The following C1orf87 variants were observed in gnomAD, a reference collection of about 807,000 sequenced individuals.
C1orf87 encodes uncharacterized protein C1orf87.
A neutral mutation model predicts 60.5 loss-of-function variants in C1orf87; 58 were observed. The observed-to-expected ratio is 0.96, with a 90% CI of 0.78 to 1.19. C1orf87 has a LOEUF of 1.19. Ranked by LOEUF, C1orf87 falls within the 50% of genes most tolerant of loss-of-function variation. C1orf87 has a pLI of 0.00. For missense variants in C1orf87, 673 were observed against 638.6 expected, an observed-to-expected ratio of 1.05 and a Z score of -0.58; for synonymous variants, 236 against 227.4, an observed-to-expected ratio of 1.04 and a Z score of -0.34.
At chr1:60,014,908 G>T (rs1386094086) in intron 8 of C1orf87, among the ~76,000 whole-genome samples, 1 of 152,182 alleles carries the variant, frequency 6.6e-6, no homozygotes, top group African/African-American at 2.4e-5. Flanking sequence ...TATTGATAAA[G>T]AGTTAGCTCT....
chr1:60,051,634 TGTG>T (rs1317245746), intron 3 of C1orf87, among the ~76,000 whole-genome samples: 1 of 152,130 alleles, frequency 6.6e-6, no homozygotes. Context: ...ACCACTGAGT[TGTG>T]GGGTGATTTG....
At chr1:60,063,819 C>A (rs1220541244) in intron 2 of C1orf87, among the ~76,000 whole-genome samples, 1 of 152,108 alleles carries the variant, frequency 6.6e-6, no homozygotes, top group African/African-American at 2.4e-5. Flanking sequence ...GAGCACTGTG[C>A]TCCTGGTGAG....
chr1:60,036,951 C>A (rs750115709), intron 6 of C1orf87, among the ~76,000 whole-genome samples: 1 of 152,152 alleles, frequency 6.6e-6, no homozygotes, highest in Non-Finnish European at 1.5e-5. Context: ...GCTCTGCACC[C>A]GTACACAATC....
At chr1:60,008,626 TGA>T in intron 9 of C1orf87, 1 of 445,384 alleles carries the variant, frequency 2.2e-6, no homozygotes, top group Non-Finnish European at 4.5e-6. Context: ...GAAAGCCATG[TGA>T]GGACACATCA....
At chr1:60,001,256 A>C in intron 9 of C1orf87, 100 bp from the exon 10 acceptor site, 1 of 881,562 alleles carries the variant, frequency 1.1e-6, no homozygotes, top group Non-Finnish European at 1.6e-6. Flanking sequence ...CAACAAAAAA[A>C]TGGAGGCTTT....
At chr1:59,997,549 C>T (rs936445119) in intron 11 of C1orf87, 60 bp downstream of exon 11, 3 of 1,513,298 alleles carry the variant, frequency 2.0e-6, no homozygotes, top group African/African-American at 1.4e-5. Flanking sequence ...AAATGAGGTG[C>T]CTACTTTTAG....
rs146500606 is a variant in C1orf87 at position 60,037,077 on chromosome 1, C to T, written c.863+915G>A. 2.5e-3 allele frequency among the ~76,000 whole-genome samples: 374 copies of T among 152,210 alleles called. 1 individual carries two copies. The highest frequency in any genetic ancestry group is 3.4e-3 in the Middle Eastern group (1 of 294). On this transcript the variant is annotated intron_variant, in intron 6 of 11. Transcript: ENST00000371201. The stretch of plus-strand genomic sequence containing the variant: ...GCAAATAACTTTCTATGTTGGCCTG[C>T]GCACAAAAAAGAGAGAGAGAGAAAA...
At chr1:60,072,424 G>T in intron 2 of C1orf87, 113 bp downstream of exon 2, 1 of 730,130 alleles carries the variant, frequency 1.4e-6, no homozygotes, top group Non-Finnish European at 2.2e-6. Context: ...GCATCTTAAT[G>T]ACTTCGTTTT....
intron 8 of C1orf87, among the ~76,000 whole-genome samples, chr1:60,024,485 G>T (rs1645185222): frequency 6.6e-6 from 1 of 152,064 alleles, no homozygotes; most frequent in Non-Finnish European, 1.5e-5. Context: ...CTTTCTTTTG[G>T]TGTTACCTTT....
chr1:60,020,641 C>T (rs866340224), intron 8 of C1orf87, among the ~76,000 whole-genome samples: 16 of 152,186 alleles, frequency 1.1e-4, no homozygotes, highest in African/African-American at 3.9e-4. Context: ...AGCATTTACC[C>T]AATGCCTGTA....
rs146549667 is a variant in C1orf87, at chr1:59,997,671, G to A, written c.1418C>T (p.Thr473Met). 6.4e-4 allele frequency: 1,027 copies of A among 1,613,886 alleles called. No homozygotes were observed. Among genetic ancestry groups the A allele is most frequent in the Admixed American group, 1.5e-3 (89 of 59,980 alleles). The part of the protein sequence containing the change: ...AVKNKAEECE[T>M]WIDRFRKLEN... ...CAGCTTCCTGAACCTGTCTATCCACGTCTCACATTCCTCAGCCTTGTTCTT... is the reference window on the plus strand; with the variant it reads ...CAGCTTCCTGAACCTGTCTATCCACATCTCACATTCCTCAGCCTTGTTCTT... The change falls in exon 11 of 12, where the codon ACG becomes ATG. Residue 473 changes from threonine (T) to methionine (M), a missense_variant. Transcript: ENST00000371201.
intron 7 of C1orf87, among the ~76,000 whole-genome samples, chr1:60,027,676 G>A (rs895992396): frequency 6.6e-6 from 1 of 152,020 alleles, no homozygotes; most frequent in Admixed American, 6.6e-5. Context: ...AAACTTGCAT[G>A]TTCCTGTGTA....
chr1:60,047,490 C>G (rs1450464957), intron 3 of C1orf87, among the ~76,000 whole-genome samples: 2 of 152,036 alleles, frequency 1.3e-5, no homozygotes, highest in Non-Finnish European at 2.9e-5. Context: ...AGTGGATATT[C>G]CAGGCTCAAA....
At chr1:60,025,052 A>G (rs1337603415) in intron 8 of C1orf87, among the ~76,000 whole-genome samples, 1 of 152,212 alleles carries the variant, frequency 6.6e-6, no homozygotes, top group African/African-American at 2.4e-5. Flanking sequence ...CAGAATGAAT[A>G]AAAAATTCAG....
chr1:60,011,830 G>A (rs1319652799), intron 8 of C1orf87, among the ~76,000 whole-genome samples: 2 of 151,984 alleles, frequency 1.3e-5, no homozygotes, highest in African/African-American at 4.8e-5. Flanking sequence ...AAATTATTTG[G>A]TCAGGGTAAG....
chr1:60,034,631 T>C (rs1331973672), intron 6 of C1orf87, among the ~76,000 whole-genome samples: 1 of 152,210 alleles, frequency 6.6e-6, no homozygotes, highest in South Asian at 2.1e-4. Flanking sequence ...CACTGTGACA[T>C]TGCTGAATGA....
intron 2 of C1orf87, among the ~76,000 whole-genome samples, chr1:60,064,290 TA>T (rs1410896687): frequency 7.7e-6 from 1 of 129,152 alleles, no homozygotes; most frequent in African/African-American, 3.0e-5. Flanking sequence ...TTATATATTA[TA>T]TATATATTTT....
At chr1:60,043,096 C>A (rs1574317665) in intron 3 of C1orf87, among the ~76,000 whole-genome samples, 1 of 152,212 alleles carries the variant, frequency 6.6e-6, no homozygotes, top group East Asian at 1.9e-4. Context: ...TGCATGCATG[C>A]ATGTAAGAGA....
At chr1:60,041,808 C>T (rs1645326906) in intron 3 of C1orf87, among the ~76,000 whole-genome samples, 1 of 152,162 alleles carries the variant, frequency 6.6e-6, no homozygotes, top group African/African-American at 2.4e-5. Context: ...ATATGCAAAC[C>T]AGTCCTGAGT....
Sources: allele counts gnomAD v4.1 joint callset (sites outside exome capture counted in the v4.1 genomes callset), GRCh38; gene constraint gnomAD v4.1.1; transcripts MANE v1.5; gene names NCBI Gene and HGNC (gene_info 2026-07-23, HGNC 2026-07-21).